The following CAMK4 variants were observed in gnomAD, a reference collection of about 807,000 sequenced individuals.
CAMK4 encodes calcium/calmodulin dependent protein kinase IV, also known as calcium/calmodulin-dependent protein kinase type IV.
Under a neutral mutation model 44.9 loss-of-function variants are expected in CAMK4, and 22 were observed. That is an observed-to-expected ratio of 0.49 (90% CI 0.35 to 0.70). The LOEUF (loss-of-function observed/expected upper bound fraction) is 0.70. Among genes scored for constraint, CAMK4 ranks in the 30% least tolerant of loss-of-function variants. The pLI is 0.01. For missense variants in CAMK4, 498 were observed against 586.8 expected, an observed-to-expected ratio of 0.85 and a Z score of 1.56; for synonymous variants, 218 against 215.4, an observed-to-expected ratio of 1.01 and a Z score of -0.11.
intron 7 of CAMK4, among the ~76,000 whole-genome samples, chr5:111,467,458 A>G (rs760823713): frequency 2.0e-5 from 3 of 152,032 alleles, no homozygotes; most frequent in Non-Finnish European, 4.4e-5. Flanking sequence ...ACATCTGACA[A>G]AAGACTAATA....
At chr5:111,402,616 A>G (rs928095187) in intron 5 of CAMK4, among the ~76,000 whole-genome samples, 1 of 152,206 alleles carries the variant, frequency 6.6e-6, no homozygotes, top group African/African-American at 2.4e-5. Context: ...AGGAAGATGG[A>G]AAGTACCAGA....
At chr5:111,325,230 A>G (rs1748832095) in intron 1 of CAMK4, among the ~76,000 whole-genome samples, 2 of 152,000 alleles carry the variant, frequency 1.3e-5, no homozygotes. Context: ...ATATTTATAT[A>G]TATGCCACAT....
chr5:111,382,836 A>G (rs1452977130), intron 4 of CAMK4, among the ~76,000 whole-genome samples: 2 of 152,220 alleles, frequency 1.3e-5, no homozygotes, highest in Non-Finnish European at 2.9e-5. Flanking sequence ...ATGCTTAAAA[A>G]TAAAACTTGA....
At chr5:111,337,034 A>G (rs395326) in intron 1 of CAMK4, among the ~76,000 whole-genome samples, 74,782 of 150,744 alleles carry the variant, frequency 0.5, 19,271 homozygotes, top group African/African-American at 0.63. Flanking sequence ...TTACAATTGT[A>G]TATAGTTGTG....
chr5:111,351,041 A>C (rs1188546127), intron 2 of CAMK4, among the ~76,000 whole-genome samples: 3 of 152,148 alleles, frequency 2.0e-5, no homozygotes, highest in African/African-American at 7.2e-5. Flanking sequence ...AACACCATTT[A>C]TACCACTGGG....
intron 8 of CAMK4, among the ~76,000 whole-genome samples, chr5:111,477,160 G>A (rs1043066995): frequency 7.9e-5 from 12 of 152,164 alleles, no homozygotes; most frequent in Non-Finnish European, 1.2e-4. Context: ...GGTGGGTCAG[G>A]AGCGGGATTC....
At chr5:111,230,907 G>A (rs760968625) in intron 1 of CAMK4, among the ~76,000 whole-genome samples, 6 of 151,700 alleles carry the variant, frequency 4.0e-5, no homozygotes, top group Non-Finnish European at 8.8e-5. Context: ...AAATTTCAAG[G>A]TCAAATTCAT....
intron 1 of CAMK4, among the ~76,000 whole-genome samples, chr5:111,267,207 T>G (rs1750286469): frequency 6.6e-6 from 1 of 152,148 alleles, no homozygotes; most frequent in African/African-American, 2.4e-5. Context: ...AAGCCATTTC[T>G]CCAAAAAGTC....
At chr5:111,471,022 CT>C (rs1274511610) in intron 7 of CAMK4, among the ~76,000 whole-genome samples, 1 of 152,246 alleles carries the variant, frequency 6.6e-6, no homozygotes, top group Admixed American at 6.5e-5. Context: ...CCACTTCCAC[CT>C]CTTGGTAGCC....
chr5:111,339,729 GA>G (rs1190164575), intron 1 of CAMK4, among the ~76,000 whole-genome samples: 5 of 151,126 alleles, frequency 3.3e-5, no homozygotes, highest in African/African-American at 1.2e-4. Flanking sequence ...GATTCCACAG[GA>G]ATTTCGGAAT....
intron 7 of CAMK4, among the ~76,000 whole-genome samples, chr5:111,470,115 A>G (rs1297731104): frequency 2.0e-5 from 3 of 152,220 alleles, no homozygotes; most frequent in Non-Finnish European, 4.4e-5. Context: ...AAAATAGGCA[A>G]TAGCAGCCTT....
intron 1 of CAMK4, among the ~76,000 whole-genome samples, chr5:111,229,622 G>A (rs948268738): frequency 2.0e-5 from 3 of 152,076 alleles, no homozygotes; most frequent in Non-Finnish European, 2.9e-5. Flanking sequence ...GATTTTTTCC[G>A]ACACCATGCT....
At chr5:111,312,700 G>T (rs1398773475) in intron 1 of CAMK4, among the ~76,000 whole-genome samples, 1 of 152,126 alleles carries the variant, frequency 6.6e-6, no homozygotes, top group Non-Finnish European at 1.5e-5. Context: ...TCTAAGTCTT[G>T]TGGAACCATC....
intron 1 of CAMK4, among the ~76,000 whole-genome samples, chr5:111,288,607 A>G (rs1263556971): frequency 1.3e-5 from 2 of 151,990 alleles, no homozygotes; most frequent in Admixed American, 6.6e-5. Context: ...CTATTTTTCT[A>G]TTATATTGTT....
chr5:111,430,127 C>G (rs759349169), intron 5 of CAMK4, among the ~76,000 whole-genome samples: 1 of 152,098 alleles, frequency 6.6e-6, no homozygotes, highest in Non-Finnish European at 1.5e-5. Context: ...TCATGACCAA[C>G]TGGAATTTAT....
chr5:111,260,922 C>T (rs1749945336), intron 1 of CAMK4, among the ~76,000 whole-genome samples: 1 of 152,138 alleles, frequency 6.6e-6, no homozygotes, highest in South Asian at 2.1e-4. Flanking sequence ...TCAAAATTAC[C>T]TTTATAATTA....
chr5:111,438,971 C>T (rs1753737146), intron 5 of CAMK4, among the ~76,000 whole-genome samples: 1 of 152,206 alleles, frequency 6.6e-6, no homozygotes. Flanking sequence ...TCCCACCTGA[C>T]CACAGTTGGC....
chr5:111,437,505 A>G (rs1338160711), intron 5 of CAMK4, among the ~76,000 whole-genome samples: 1 of 152,212 alleles, frequency 6.6e-6, no homozygotes, highest in East Asian at 1.9e-4. Context: ...TGGAGGAGGC[A>G]TCCTGAATGG....
chr5:111,460,416 C>G (rs961485274), intron 7 of CAMK4, among the ~76,000 whole-genome samples: 20 of 151,640 alleles, frequency 1.3e-4, no homozygotes, highest in African/African-American at 4.8e-4. Flanking sequence ...GGACCACAAG[C>G]GCACACTGCC....
Sources: allele counts gnomAD v4.1 joint callset (sites outside exome capture counted in the v4.1 genomes callset), GRCh38; gene constraint gnomAD v4.1.1; transcripts MANE v1.5; gene names NCBI Gene and HGNC (gene_info 2026-07-23, HGNC 2026-07-21).